Variants in CWC27 observed in about 807,000 individuals in gnomAD.
CWC27 encodes CWC27 spliceosome associated cyclophilin, also known as spliceosome-associated protein CWC27 homolog.
A neutral mutation model predicts 63.6 loss-of-function variants in CWC27; 47 were observed. That is an observed-to-expected ratio of 0.74 (90% CI 0.58 to 0.94). CWC27 has a LOEUF of 0.94. CWC27 is among the 40% of genes least tolerant of loss of function. CWC27 has a pLI of 0.00. For synonymous variants in CWC27, 175 were observed against 179.8 expected (o/e 0.97, Z 0.22); for missense variants, 495 against 554.3 (o/e 0.89, Z 1.07).
chr5:64,932,098 TATTA>T (rs1351660526), intron 11 of CWC27, among the ~76,000 whole-genome samples: 1 of 152,166 alleles, frequency 6.6e-6, no homozygotes, highest in African/African-American at 2.4e-5. Flanking sequence ...GATTTATATG[TATTA>T]ATTTATTTAA....
intron 10 of CWC27, among the ~76,000 whole-genome samples, chr5:64,811,384 A>T (rs1744874841): frequency 6.6e-6 from 1 of 152,068 alleles, no homozygotes; most frequent in East Asian, 1.9e-4. Context: ...GTTTGTTAGG[A>T]TGATTACAGC....
At chr5:64,963,413 G>C (rs1166433646) in intron 11 of CWC27, among the ~76,000 whole-genome samples, 1 of 152,146 alleles carries the variant, frequency 6.6e-6, no homozygotes, top group Non-Finnish European at 1.5e-5. Flanking sequence ...CTTAAATATT[G>C]ATTAGATACA....
At chr5:64,931,383 T>A (rs1429589473) in intron 11 of CWC27, among the ~76,000 whole-genome samples, 1 of 151,970 alleles carries the variant, frequency 6.6e-6, no homozygotes, top group Non-Finnish European at 1.5e-5. Flanking sequence ...AATATTATTC[T>A]TTAACTTTTC....
intron 11 of CWC27, among the ~76,000 whole-genome samples, chr5:64,939,788 C>A (rs1036019150): frequency 6.6e-6 from 1 of 151,954 alleles, no homozygotes; most frequent in Non-Finnish European, 1.5e-5. Flanking sequence ...AATGGGACCG[C>A]TGCCTTTCTT....
intron 11 of CWC27, among the ~76,000 whole-genome samples, chr5:64,939,821 G>A (rs1748434321): frequency 6.8e-6 from 1 of 147,340 alleles, no homozygotes; most frequent in African/African-American, 2.7e-5. Context: ...TGCCCAGAGA[G>A]GAGGAATCTG....
At chr5:64,885,121 A>G (rs1747034950) in intron 10 of CWC27, among the ~76,000 whole-genome samples, 1 of 152,124 alleles carries the variant, frequency 6.6e-6, no homozygotes, top group Non-Finnish European at 1.5e-5. Context: ...TTTTGTTTTG[A>G]TCCAGTATCT....
At chr5:64,780,083 C>T (rs982296481) in intron 2 of CWC27, among the ~76,000 whole-genome samples, 3 of 152,108 alleles carry the variant, frequency 2.0e-5, no homozygotes, top group African/African-American at 7.2e-5. Flanking sequence ...ACCCACAGCC[C>T]CCAGCAACCA....
chr5:64,775,849 TC>T (rs1256421122), intron 2 of CWC27, among the ~76,000 whole-genome samples: 1 of 152,030 alleles, frequency 6.6e-6, no homozygotes, highest in Non-Finnish European at 1.5e-5. Flanking sequence ...CGGTGGCAAA[TC>T]ATTGTTCTTC....
chr5:64,821,739 T>C (rs1324063751), intron 10 of CWC27, among the ~76,000 whole-genome samples: 1 of 152,188 alleles, frequency 6.6e-6, no homozygotes, highest in Admixed American at 6.5e-5. Flanking sequence ...CTTTCCCTAA[T>C]TGTGTTTTTA....
chr5:64,911,825 A>T (rs1312284652), intron 11 of CWC27, among the ~76,000 whole-genome samples: 2 of 152,190 alleles, frequency 1.3e-5, no homozygotes, highest in Non-Finnish European at 2.9e-5. Flanking sequence ...CTGTAATCCC[A>T]GCACTTTGGG....
rs766379370 is a variant in CWC27 at position 64,769,209 on chromosome 5, A to C, written c.42+21A>C. On this transcript the variant is annotated intron_variant, in intron 1 of 13. Coordinates refer to ENST00000381070, the MANE Select transcript of CWC27 (RefSeq NM_005869.4). Reference sequence around the variant, plus strand: ...GGAAGGTGAGAGCCTCATCTAGGGAACTTGGGGTCCTGGGATCCCCAAAGT... The same window carrying C: ...GGAAGGTGAGAGCCTCATCTAGGGACCTTGGGGTCCTGGGATCCCCAAAGT... The C allele has an allele frequency of 1.9e-6, 3 of 1,612,728 alleles. No homozygotes were observed. In the Admixed American group the frequency reaches 5.0e-5, roughly 27 times the overall value.
intron 11 of CWC27, among the ~76,000 whole-genome samples, chr5:64,905,899 A>G (rs139228160): frequency 0.028 from 4,300 of 152,188 alleles, 139 homozygotes; most frequent in African/African-American, 0.08. Flanking sequence ...TCATTGTTCA[A>G]TTCCCACCTA....
At chr5:64,961,571 G>C (rs1038454642) in intron 11 of CWC27, among the ~76,000 whole-genome samples, 8 of 152,118 alleles carry the variant, frequency 5.3e-5, no homozygotes, top group Non-Finnish European at 1.0e-4. Context: ...TTTCATGTAT[G>C]TTAAGTTCAT....
At chr5:64,892,574 T>A (rs1012379352) in intron 11 of CWC27, among the ~76,000 whole-genome samples, 2 of 152,192 alleles carry the variant, frequency 1.3e-5, no homozygotes, top group Non-Finnish European at 2.9e-5. Context: ...ATAATGTCAT[T>A]TTGTTATAAT....
chr5:64,846,638 G>A (rs1745986924), intron 10 of CWC27, among the ~76,000 whole-genome samples: 1 of 152,024 alleles, frequency 6.6e-6, no homozygotes, highest in African/African-American at 2.4e-5. Flanking sequence ...AAATCACAAA[G>A]GAAGACAGCA....
intron 4 of CWC27, among the ~76,000 whole-genome samples, chr5:64,784,600 C>T (rs886110784): frequency 6.6e-6 from 1 of 152,134 alleles, no homozygotes; most frequent in African/African-American, 2.4e-5. Context: ...CATCAGCGCC[C>T]TCTGCTGGTT....
intron 10 of CWC27, among the ~76,000 whole-genome samples, chr5:64,859,249 G>A (rs1270018752): frequency 6.6e-6 from 1 of 152,128 alleles, no homozygotes; most frequent in African/African-American, 2.4e-5. Context: ...AGTGGTTGTG[G>A]GAGGGGGTGG....
chr5:64,799,988 C>T (rs1363565124), intron 7 of CWC27, among the ~76,000 whole-genome samples: 1 of 152,008 alleles, frequency 6.6e-6, no homozygotes, highest in Non-Finnish European at 1.5e-5. Flanking sequence ...GAATTTAGTG[C>T]TTCAAGTTGG....
intron 11 of CWC27, among the ~76,000 whole-genome samples, chr5:64,916,647 C>A (rs936841596): frequency 6.6e-6 from 1 of 152,074 alleles, no homozygotes; most frequent in Non-Finnish European, 1.5e-5. Flanking sequence ...TCCCCAGAGA[C>A]AGATATTAAT....
Sources: gnomAD v4.1 joint callset for allele counts (sites outside exome capture counted in the v4.1 genomes callset) on GRCh38, gnomAD v4.1.1 for gene constraint, MANE v1.5 for transcripts, NCBI Gene and HGNC (gene_info 2026-07-23, HGNC 2026-07-21) for gene names.